Variants in TRDN observed in about 807,000 individuals in gnomAD.
TRDN encodes the protein triadin, also known as triadin in skeletal muscle.
TRDN carries 161 observed loss-of-function variants against 149.7 expected under a neutral mutation model. The observed-to-expected ratio is 1.08, with a 90% CI of 0.95 to 1.23. The LOEUF (loss-of-function observed/expected upper bound fraction) is 1.23. Ranked by LOEUF, TRDN falls within the 50% of genes most tolerant of loss-of-function variation. The pLI is 0.00. For missense variants in TRDN, 896 were observed against 823.5 expected, an observed-to-expected ratio of 1.09 and a Z score of -1.08; for synonymous variants, 294 against 250.5, an observed-to-expected ratio of 1.17 and a Z score of -1.64.
At chr6:123,506,181 C>A (rs1242367204) in intron 7 of TRDN, among the ~76,000 whole-genome samples, 1 of 152,164 alleles carries the variant, frequency 6.6e-6, no homozygotes, top group East Asian at 1.9e-4. Flanking sequence ...ACCTAAAAAA[C>A]ACTTCTAGAG....
At chr6:123,618,383 T>C (rs1785208885) in intron 1 of TRDN, among the ~76,000 whole-genome samples, 2 of 152,144 alleles carry the variant, frequency 1.3e-5, no homozygotes, top group African/African-American at 4.8e-5. Flanking sequence ...CAGTGCTGGC[T>C]GATTGCATCT....
chr6:123,599,003 C>T (rs973924444), intron 1 of TRDN, among the ~76,000 whole-genome samples: 4 of 151,948 alleles, frequency 2.6e-5, no homozygotes, highest in African/African-American at 4.8e-5. Flanking sequence ...ATCTGCACCT[C>T]GGTGTTCTCT....
At chr6:123,360,722 A>ACG (rs1780866750) in intron 20 of TRDN, among the ~76,000 whole-genome samples, 2 of 100,312 alleles carry the variant, frequency 2.0e-5, no homozygotes, top group Non-Finnish European at 4.5e-5. Context: ...AGAGAGACGG[A>ACG]GAGAGAGAGA....
intron 2 of TRDN, among the ~76,000 whole-genome samples, chr6:123,565,189 C>A (rs1270751268): frequency 6.6e-6 from 1 of 152,162 alleles, no homozygotes; most frequent in Non-Finnish European, 1.5e-5. Flanking sequence ...ATAATCAAGG[C>A]ACCCCTTCAT....
chr6:123,497,891 A>C (rs1203550833), intron 8 of TRDN, among the ~76,000 whole-genome samples: 1 of 152,170 alleles, frequency 6.6e-6, no homozygotes, highest in Non-Finnish European at 1.5e-5. Flanking sequence ...GATCTTGACT[A>C]GTTTATGGCC....
At chr6:123,360,617 G>A (rs1406530054) in intron 20 of TRDN, among the ~76,000 whole-genome samples, 1 of 152,018 alleles carries the variant, frequency 6.6e-6, no homozygotes, top group Non-Finnish European at 1.5e-5. Flanking sequence ...TAGTCTTTGT[G>A]GAAGGCCAGA....
At chr6:123,221,809 G>A (rs997538861) in intron 39 of TRDN, among the ~76,000 whole-genome samples, 7 of 151,640 alleles carry the variant, frequency 4.6e-5, no homozygotes, top group African/African-American at 1.5e-4. Context: ...TCATTAATGA[G>A]GATAGTTGAC....
chr6:123,381,279 C>A, intron 16 of TRDN, 91 bp downstream of exon 16: 1 of 1,204,852 alleles, frequency 8.3e-7, no homozygotes, highest in Non-Finnish European at 1.2e-6. Flanking sequence ...ATAGGAAAAG[C>A]GGATTCAAAA....
chr6:123,601,951 G>T (rs927260702), intron 1 of TRDN, among the ~76,000 whole-genome samples: 1 of 152,008 alleles, frequency 6.6e-6, no homozygotes, highest in East Asian at 1.9e-4. Flanking sequence ...ACTGGAAAAT[G>T]GTGGTATCAA....
At chr6:123,350,704 T>C (rs1780430624) in intron 21 of TRDN, 1 of 827,902 alleles carries the variant, frequency 1.2e-6, no homozygotes, top group South Asian at 5.6e-5. Context: ...AATATATTAT[T>C]TCCTATGATT....
At chr6:123,539,933 C>T (rs972588980) in intron 4 of TRDN, among the ~76,000 whole-genome samples, 1 of 152,198 alleles carries the variant, frequency 6.6e-6, no homozygotes, top group Non-Finnish European at 1.5e-5. Flanking sequence ...ACAAATTCAA[C>T]TATTTAAGGC....
chr6:123,250,974 T>A (rs1198238750), intron 38 of TRDN, among the ~76,000 whole-genome samples: 1 of 152,126 alleles, frequency 6.6e-6, no homozygotes, highest in Non-Finnish European at 1.5e-5. Flanking sequence ...ATTTCTATCC[T>A]TTTCTCCAGC....
At chr6:123,390,515 A>G (rs947339430) in intron 13 of TRDN, among the ~76,000 whole-genome samples, 28 of 152,138 alleles carry the variant, frequency 1.8e-4, no homozygotes, top group African/African-American at 6.5e-4. Context: ...TTCCATCATA[A>G]CTGATTCTGG....
chr6:123,248,354 C>T (rs1484196520), intron 38 of TRDN, among the ~76,000 whole-genome samples: 4 of 151,808 alleles, frequency 2.6e-5, no homozygotes, highest in Admixed American at 1.3e-4. Context: ...GTCAGGAGTT[C>T]GAGACCAGAC....
At chr6:123,379,215 C>T (rs9401667) in intron 16 of TRDN, among the ~76,000 whole-genome samples, 52,720 of 151,942 alleles carry the variant, frequency 0.35, 10,085 homozygotes, top group East Asian at 0.74. Context: ...TAGAATGCTA[C>T]GGTCATCACA....
intron 12 of TRDN, chr6:123,411,633 G>A (rs928735427): frequency 1.3e-5 from 2 of 152,302 alleles, no homozygotes; most frequent in Admixed American, 6.6e-5. Flanking sequence ...ATATTAAATA[G>A]CAAAGATACC....
At chr6:123,571,850 T>C (rs1253893243) in intron 1 of TRDN, among the ~76,000 whole-genome samples, 8 of 152,086 alleles carry the variant, frequency 5.3e-5, no homozygotes, top group African/African-American at 1.9e-4. Flanking sequence ...TTTCTCAAAA[T>C]ACCATTTAAG....
chr6:123,407,430 C>G (rs1773240721), intron 12 of TRDN, among the ~76,000 whole-genome samples: 2 of 152,160 alleles, frequency 1.3e-5, no homozygotes, highest in Non-Finnish European at 2.9e-5. Flanking sequence ...CTTTTCTGAT[C>G]CTCGTAGTGC....
At chr6:123,245,435 G>T (rs889699698) in intron 38 of TRDN, among the ~76,000 whole-genome samples, 5 of 152,022 alleles carry the variant, frequency 3.3e-5, no homozygotes, top group East Asian at 1.9e-4. Context: ...AAAAGCAGGG[G>T]TAGCAAATCC....
Sources: allele counts gnomAD v4.1 joint callset (sites outside exome capture counted in the v4.1 genomes callset), GRCh38; gene constraint gnomAD v4.1.1; transcripts MANE v1.5; gene names NCBI Gene and HGNC (gene_info 2026-07-23, HGNC 2026-07-21).